Variants in LRRC49 observed in about 807,000 individuals in gnomAD.
The protein encoded by LRRC49 is leucine-rich repeat-containing protein 49.
LRRC49 carries 50 observed loss-of-function variants against 83.3 expected under a neutral mutation model. The ratio of observed to expected loss-of-function variants is 0.60; its 90% CI spans 0.48 to 0.76. The LOEUF is 0.76. Ranked by LOEUF, LRRC49 falls within the 30% of genes least tolerant of loss-of-function variation. The pLI, the probability that LRRC49 is intolerant of heterozygous loss-of-function variation, is 0.00. For synonymous variants in LRRC49, 286 were observed against 283.3 expected, an observed-to-expected ratio of 1.01 and a Z score of -0.10; for missense variants, 704 against 809.1, an observed-to-expected ratio of 0.87 and a Z score of 1.58.
intron 11 of LRRC49, among the ~76,000 whole-genome samples, chr15:70,995,552 T>A (rs549042988): frequency 6.6e-6 from 1 of 152,268 alleles, no homozygotes; most frequent in Admixed American, 6.5e-5. Context: ...AGGCCGTACA[T>A]CCTGTTCTCT....
At chr15:70,854,269 A>G in intron 1 of LRRC49, 1 of 231,322 alleles carries the variant, frequency 4.3e-6, no homozygotes, top group Non-Finnish European at 7.2e-6. Context: ...CGCCGCCACC[A>G]CCCCGACCGC....
intron 11 of LRRC49, among the ~76,000 whole-genome samples, chr15:70,999,418 T>A (rs1307721718): frequency 6.6e-6 from 1 of 152,206 alleles, no homozygotes; most frequent in African/African-American, 2.4e-5. Context: ...AAATCTCTGT[T>A]CTTTTAGCTT....
At chr15:71,045,618 C>G (rs1171855541) in intron 15 of LRRC49, among the ~76,000 whole-genome samples, 1 of 152,104 alleles carries the variant, frequency 6.6e-6, no homozygotes. Context: ...TCATATAACC[C>G]AAACCCTATC....
chr15:70,869,213 T>C (rs1016149026), intron 1 of LRRC49, among the ~76,000 whole-genome samples: 2 of 152,174 alleles, frequency 1.3e-5, no homozygotes, highest in African/African-American at 4.8e-5. Context: ...ATAATACATA[T>C]ATACTTCTAC....
intron 8 of LRRC49, among the ~76,000 whole-genome samples, chr15:70,952,443 A>G (rs1567067253): frequency 6.6e-6 from 1 of 152,018 alleles, no homozygotes; most frequent in Non-Finnish European, 1.5e-5. Context: ...TTCTGAACTC[A>G]TTATTGGACT....
upstream of LRRC49, chr15:70,892,406 TA>T: frequency 6.5e-7 from 1 of 1,540,694 alleles, no homozygotes; most frequent in Non-Finnish European, 8.7e-7. Context: ...TTTCCTTCCC[TA>T]CCTCTGGTCA....
intron 8 of LRRC49, 36 bp from the exon 9 acceptor site, chr15:70,963,749 C>A (rs755439691): frequency 1.4e-5 from 22 of 1,596,128 alleles, no homozygotes; most frequent in Non-Finnish European, 1.9e-5. Context: ...ATCTTAAGGC[C>A]TCAGAATAAT....
chr15:71,037,574 A>G lies in LRRC49; in HGVS notation c.1857+242A>G, dbSNP rs146033345. On this transcript the variant is annotated intron_variant, in intron 15 of 15. Coordinates refer to ENST00000260382, the MANE Select transcript of LRRC49 (RefSeq NM_017691.5). The stretch of plus-strand genomic sequence containing the variant: ...TTTCAGCAGAAAAAAAAAATGCTCA[A>G]AAGAAATCTGTACCATAAATCTGTA... 1.4e-4 allele frequency among the ~76,000 whole-genome samples: 21 copies of G among 152,234 alleles called. No individual in the cohort carries two copies. In the East Asian group the frequency reaches 4.1e-3, roughly 29 times the overall value.
At chr15:70,974,719 G>GT (rs922359593) in intron 9 of LRRC49, among the ~76,000 whole-genome samples, 6 of 144,946 alleles carry the variant, frequency 4.1e-5, no homozygotes, top group Non-Finnish European at 7.5e-5. Flanking sequence ...TCAAAGCATT[G>GT]TAAAAAAAAA....
At chr15:70,938,135 A>G (rs1010205647) in intron 8 of LRRC49, among the ~76,000 whole-genome samples, 54 of 152,204 alleles carry the variant, frequency 3.5e-4, no homozygotes, top group African/African-American at 1.3e-3. Context: ...AAAGAGATAT[A>G]TAAATTTGGT....
In LRRC49 at chr15:71,046,909, C is replaced by T. The variant is rs575964172; in HGVS notation, c.1858-2500C>T. On this transcript the variant is annotated intron_variant, in intron 15 of 15. Coordinates refer to ENST00000260382, the MANE Select transcript of LRRC49 (RefSeq NM_017691.5). ...TCCAGCTTCAATCTTCTGCATATGG[C>T]TAGCCAGTTATCTCAGCACCGTTTA... 1.9e-4 allele frequency among the ~76,000 whole-genome samples: 29 copies of T among 152,296 alleles called. 1 individual carries two copies. In the South Asian group the frequency reaches 5.6e-3, roughly 29 times the overall value.
chr15:70,895,649 A>C (rs891670000), intron 2 of LRRC49, 200 bp from the exon 3 acceptor site: 9 of 468,182 alleles, frequency 1.9e-5, no homozygotes, highest in Non-Finnish European at 3.4e-5. Context: ...AAATGCCTGG[A>C]AGCCACAAAT....
chr15:71,051,535 T>C lies in LRRC49; in HGVS notation c.*1923T>C, dbSNP rs1257105328. On this transcript the variant is annotated 3_prime_UTR_variant, in exon 16 of 16. Transcript: ENST00000260382. ...TGTTGAGAGGAGAACCAAGAGTATATTGTCTGTGGGATTCTGGCAGATTGG... is the reference window on the plus strand; with the variant it reads ...TGTTGAGAGGAGAACCAAGAGTATACTGTCTGTGGGATTCTGGCAGATTGG... The C allele has an allele frequency of 6.6e-6, 1 of 152,262 alleles. No homozygotes were observed. Among genetic ancestry groups the C allele is most frequent in the Non-Finnish European group, 1.5e-5 (1 of 68,092 alleles). The allele number at this position is 152,262 out of a possible 1,614,324, so 9.4% of individuals were successfully genotyped here.
At chr15:70,929,699 G>C (rs1449987874) in intron 7 of LRRC49, among the ~76,000 whole-genome samples, 1 of 152,176 alleles carries the variant, frequency 6.6e-6, no homozygotes, top group African/African-American at 2.4e-5. Flanking sequence ...AAACCCTGCT[G>C]GTGCTTTATC....
intron 1 of LRRC49, among the ~76,000 whole-genome samples, chr15:70,871,531 G>A (rs2033037575): frequency 6.7e-6 from 1 of 148,546 alleles, no homozygotes; most frequent in South Asian, 2.2e-4. Flanking sequence ...GGGGCGACCG[G>A]GCAGAGGCGC....
chr15:70,901,806 ACT>A (rs1211646750), intron 4 of LRRC49, among the ~76,000 whole-genome samples: 1 of 152,014 alleles, frequency 6.6e-6, no homozygotes, highest in Non-Finnish European at 1.5e-5. Flanking sequence ...TACAAAACAC[ACT>A]CTTGATAAAA....
At chr15:70,973,317 G>C (rs964534258) in intron 9 of LRRC49, among the ~76,000 whole-genome samples, 1 of 152,198 alleles carries the variant, frequency 6.6e-6, no homozygotes, top group Non-Finnish European at 1.5e-5. Context: ...AGATGCTGCA[G>C]AACAGCAAAA....
chr15:70,878,082 G>T (rs574576127), intron 2 of LRRC49, among the ~76,000 whole-genome samples: 1 of 152,122 alleles, frequency 6.6e-6, no homozygotes, highest in African/African-American at 2.4e-5. Flanking sequence ...GCAGGGAGCC[G>T]AGCTTGCAAC....
chr15:70,930,466 T>G lies in LRRC49; in HGVS notation c.712-6295T>G, dbSNP rs567654704. Among the ~76,000 whole-genome samples, 6 of 152,320 alleles carry G rather than the reference T, an allele frequency of 3.9e-5. No homozygotes were observed. In the East Asian group the frequency reaches 7.7e-4, roughly 20 times the overall value. ...ACAGGCACAGTAGATTTAGCACAAT[T>G]CTTAAGGGCCATAGGATTTTCACAA... On this transcript the variant is annotated intron_variant, in intron 7 of 15. Coordinates refer to ENST00000260382, the MANE Select transcript of LRRC49 (RefSeq NM_017691.5).
Sources: gnomAD v4.1 joint callset for allele counts (sites outside exome capture counted in the v4.1 genomes callset) on GRCh38, gnomAD v4.1.1 for gene constraint, MANE v1.5 for transcripts, NCBI Gene and HGNC (gene_info 2026-07-23, HGNC 2026-07-21) for gene names.